The following SKAP1 variants were observed in gnomAD, a reference collection of about 807,000 sequenced individuals.
SKAP1 encodes the protein src kinase-associated phosphoprotein 1.
A neutral mutation model predicts 58.5 loss-of-function variants in SKAP1; 44 were observed. The ratio of observed to expected loss-of-function variants is 0.75; its 90% CI spans 0.59 to 0.97. SKAP1 has a LOEUF of 0.97. SKAP1 is among the 50% of genes least tolerant of loss of function. SKAP1 has a pLI of 0.00. For missense variants in SKAP1, 390 were observed against 435.2 expected (o/e 0.90, Z 0.92); for synonymous variants, 127 against 149.7 (o/e 0.85, Z 1.11).
At chr17:48,162,774 A>G (rs2064086983) in intron 10 of SKAP1, 1 of 463,882 alleles carries the variant, frequency 2.2e-6, no homozygotes, top group Non-Finnish European at 3.8e-6. Context: ...TTAAATATTT[A>G]CAGATCACTC....
At chr17:48,422,329 C>A (rs1472467216) in intron 1 of SKAP1, among the ~76,000 whole-genome samples, 2 of 152,068 alleles carry the variant, frequency 1.3e-5, no homozygotes, top group East Asian at 3.8e-4. Context: ...CCAAAACAAA[C>A]AAACAAAAGA....
chr17:48,444,129 T>C, the SKAP1 span, among the ~76,000 whole-genome samples: 3 of 99,172 alleles, frequency 3.0e-5, no homozygotes, highest in Non-Finnish European at 8.3e-5. Context: ...GCGCAGTGAC[T>C]CACGCCTGTA....
intron 4 of SKAP1, among the ~76,000 whole-genome samples, chr17:48,312,935 A>AAAAT (rs1222528138): frequency 1.3e-5 from 2 of 152,310 alleles, no homozygotes; most frequent in Non-Finnish European, 2.9e-5. Context: ...AAAGCAGAAG[A>AAAAT]AACTAACAAG....
At chr17:48,201,134 G>C (rs1356765824) in intron 4 of SKAP1, among the ~76,000 whole-genome samples, 1 of 152,104 alleles carries the variant, frequency 6.6e-6, no homozygotes, top group Non-Finnish European at 1.5e-5. Context: ...GAGAAAGTGG[G>C]GGTGCAGAAG....
At chr17:48,186,656 G>A (rs1024535117) in intron 6 of SKAP1, among the ~76,000 whole-genome samples, 3 of 152,038 alleles carry the variant, frequency 2.0e-5, no homozygotes, top group Non-Finnish European at 4.4e-5. Flanking sequence ...TTTAGTAGTA[G>A]AGACGGGGTT....
At chr17:48,444,774 C>T in the SKAP1 span, among the ~76,000 whole-genome samples, 2 of 152,180 alleles carry the variant, frequency 1.3e-5, no homozygotes, top group Non-Finnish European at 2.9e-5. Flanking sequence ...CACAAAGTCC[C>T]AGCGACAGGA....
chr17:48,301,939 C>T (rs1352346905), intron 4 of SKAP1, among the ~76,000 whole-genome samples: 3 of 152,118 alleles, frequency 2.0e-5, no homozygotes, highest in East Asian at 3.9e-4. Context: ...CTCAGTTGTA[C>T]ACAACAAAAT....
At chr17:48,174,044 A>C (rs1275131044) in intron 9 of SKAP1, among the ~76,000 whole-genome samples, 2 of 152,236 alleles carry the variant, frequency 1.3e-5, no homozygotes, top group Non-Finnish European at 2.9e-5. Context: ...AACAGCACTT[A>C]ATCTAGTCAT....
At chr17:48,278,009 C>T (rs1279019757) in intron 4 of SKAP1, among the ~76,000 whole-genome samples, 2 of 152,168 alleles carry the variant, frequency 1.3e-5, no homozygotes, top group Admixed American at 1.3e-4. Flanking sequence ...AAGAATTATG[C>T]TTTGGGTTTT....
intron 4 of SKAP1, among the ~76,000 whole-genome samples, chr17:48,208,130 G>A (rs1254670795): frequency 6.6e-6 from 1 of 152,132 alleles, no homozygotes; most frequent in Non-Finnish European, 1.5e-5. Context: ...TGGAAATCGT[G>A]TTTTCAGAAT....
intron 4 of SKAP1, chr17:48,308,889 A>T (rs1253195615): frequency 6.6e-6 from 1 of 152,166 alleles, no homozygotes; most frequent in Non-Finnish European, 1.5e-5. Context: ...GTTTGTTATT[A>T]TTATTATTGT....
intron 11 of SKAP1, among the ~76,000 whole-genome samples, chr17:48,140,160 T>C (rs1476143445): frequency 6.6e-6 from 1 of 152,220 alleles, no homozygotes; most frequent in African/African-American, 2.4e-5. Flanking sequence ...CTCATCAGGC[T>C]TGGTTGCCGT....
At chr17:48,417,649 G>A (rs576652156) in intron 1 of SKAP1, among the ~76,000 whole-genome samples, 104 of 152,074 alleles carry the variant, frequency 6.8e-4, no homozygotes, top group Middle Eastern at 3.4e-3. Flanking sequence ...GGAGGTGGAG[G>A]TGTGAGAATC....
intron 4 of SKAP1, among the ~76,000 whole-genome samples, chr17:48,262,819 G>GCA (rs766596390): frequency 1.3e-5 from 2 of 151,982 alleles, no homozygotes; most frequent in Non-Finnish European, 2.9e-5. Context: ...GTATTTCATT[G>GCA]CACACACACA....
chr17:48,324,556 A>G (rs917431657), intron 4 of SKAP1, among the ~76,000 whole-genome samples: 4 of 152,002 alleles, frequency 2.6e-5, no homozygotes, highest in African/African-American at 7.2e-5. Flanking sequence ...CTTATAACCT[A>G]ATTTTTTCAC....
At chr17:48,195,590 G>C (rs546111497) in intron 4 of SKAP1, among the ~76,000 whole-genome samples, 1 of 152,320 alleles carries the variant, frequency 6.6e-6, no homozygotes, top group South Asian at 2.1e-4. Flanking sequence ...AACTGTTCAT[G>C]GAGAAATAAA....
chr17:48,410,934 C>CAAAAAA (rs61705374), intron 1 of SKAP1, among the ~76,000 whole-genome samples: 935 of 66,528 alleles, frequency 0.014, 23 homozygotes, highest in African/African-American at 0.026. Flanking sequence ...GACTCCATTT[C>CAAAAAA]AAAAAAAAAA....
At chr17:48,157,329 A>G (rs1191474320) in intron 11 of SKAP1, among the ~76,000 whole-genome samples, 1 of 149,992 alleles carries the variant, frequency 6.7e-6, no homozygotes, top group Non-Finnish European at 1.5e-5. Flanking sequence ...TCTGCCTTCC[A>G]GGGTCAAGAG....
At chr17:48,180,005 A>T in intron 9 of SKAP1, 49 bp downstream of exon 9, 1 of 1,485,654 alleles carries the variant, frequency 6.7e-7, no homozygotes, top group Non-Finnish European at 9.1e-7. Context: ...CCACCAGGTC[A>T]TGAATTTCTG....
Sources: allele counts gnomAD v4.1 joint callset (sites outside exome capture counted in the v4.1 genomes callset), GRCh38; gene constraint gnomAD v4.1.1; transcripts MANE v1.5; gene names NCBI Gene and HGNC (gene_info 2026-07-23, HGNC 2026-07-21).